BPNT2: variants seen among roughly 807,000 people sequenced by gnomAD.
BPNT2 encodes Golgi-resident adenosine 3',5'-bisphosphate 3'-phosphatase.
BPNT2 carries 11 observed loss-of-function variants against 29.3 expected under a neutral mutation model. That is an observed-to-expected ratio of 0.38 (90% CI 0.24 to 0.62). The LOEUF (loss-of-function observed/expected upper bound fraction) is 0.62, where lower values mean the gene tolerates loss of function less well. Ranked by LOEUF, BPNT2 falls within the 20% of genes least tolerant of loss-of-function variation. The pLI is 0.62. For missense variants in BPNT2, 459 were observed against 473.4 expected (o/e 0.97, Z 0.28); for synonymous variants, 195 against 187.7 (o/e 1.04, Z -0.32).
chr8:56,977,993 A>G (rs1806172705), intron 3 of BPNT2, 57 bp downstream of exon 3: 1 of 1,065,534 alleles, frequency 9.4e-7, no homozygotes, highest in African/African-American at 1.6e-5. Context: ...GACAGTAAAT[A>G]CTATAGACAA....
intron 3 of BPNT2, 32 bp from the exon 4 acceptor site, chr8:56,966,384 ACT>A (rs1805953294): frequency 1.3e-6 from 2 of 1,594,248 alleles, no homozygotes; most frequent in East Asian, 2.2e-5. Context: ...CATTAATGGC[ACT>A]GAAGCTTTAA....
Position 56,970,142 on chromosome 8 carries a change from A to C in BPNT2, c.647-3790T>G, listed in dbSNP as rs140445618. ...ATAAAACTGGATCTCAAATGATGTC[A>C]AAATCTCTCCAGATTACTTGCTAGT... On this transcript the variant is annotated intron_variant, in intron 3 of 4. Coordinates refer to ENST00000262644, the MANE Select transcript of BPNT2 (RefSeq NM_017813.5). Among the ~76,000 whole-genome samples, 560 of 152,330 alleles carry C rather than the reference A, an allele frequency of 3.7e-3. 7 individuals are homozygous for C. The highest frequency in any genetic ancestry group is 0.013 in the African/African-American group (520 of 41,580).
At chr8:56,972,072 C>T (rs1218508728) in intron 3 of BPNT2, among the ~76,000 whole-genome samples, 1 of 150,318 alleles carries the variant, frequency 6.7e-6, no homozygotes, top group African/African-American at 2.5e-5. Context: ...TCCAGCCGAG[C>T]GAGACTCCGT....
intron 1 of BPNT2, 95 bp from the exon 2 acceptor site, chr8:56,980,292 A>T: frequency 1.1e-6 from 1 of 947,014 alleles, no homozygotes. Flanking sequence ...CACCCAAATT[A>T]TAAATAAGTA....
chr8:56,975,568 AAAT>A (rs1806118556), intron 3 of BPNT2, among the ~76,000 whole-genome samples: 1 of 152,188 alleles, frequency 6.6e-6, no homozygotes, highest in African/African-American at 2.4e-5. Flanking sequence ...TGAAAATACA[AAAT>A]AATTGTAAGA....
intron 3 of BPNT2, among the ~76,000 whole-genome samples, chr8:56,972,014 G>A (rs980783886): frequency 4.0e-5 from 6 of 149,174 alleles, no homozygotes. Flanking sequence ...AGAATGGCGT[G>A]AACCTGGGAG....
At chr8:56,975,751 A>T (rs550500054) in intron 3 of BPNT2, among the ~76,000 whole-genome samples, 1 of 152,320 alleles carries the variant, frequency 6.6e-6, no homozygotes, top group South Asian at 2.1e-4. Flanking sequence ...AAATTGTTAA[A>T]CACGATATAA....
chr8:56,961,391 AAAAC>A lies in BPNT2; in HGVS notation c.*2398_*2401del, dbSNP rs1037176104. 1.7e-4 allele frequency: 26 copies of A among 152,184 alleles called. No individual in the cohort carries two copies. The highest frequency in any genetic ancestry group is 4.1e-4 in the South Asian group (2 of 4,836). The allele number at this position is 152,184 out of a possible 1,614,324, so 9.4% of individuals were successfully genotyped here. On this transcript the variant is annotated 3_prime_UTR_variant, in exon 5 of 5. Coordinates refer to ENST00000262644, the MANE Select transcript of BPNT2 (RefSeq NM_017813.5). ...ATTCTGCAACGTATATTGGCTTTTA[AAAAC>A]AAACAATTTTAAAAATGAACTTTTT...
chr8:56,982,245 T>C (rs1806257933), intron 1 of BPNT2, among the ~76,000 whole-genome samples: 1 of 151,494 alleles, frequency 6.6e-6, no homozygotes, highest in South Asian at 2.1e-4. Flanking sequence ...TGCCTCAGCC[T>C]CCGAGTAGCT....
chr8:56,977,930 C>T, intron 3 of BPNT2, 120 bp downstream of exon 3: 4 of 736,766 alleles, frequency 5.4e-6, no homozygotes, highest in Admixed American at 2.0e-5. Flanking sequence ...GTGTTTTTTT[C>T]TTACAGCAGC....
chr8:56,993,241 G>A lies in BPNT2; in HGVS notation c.345C>T (p.Arg115=). 6.2e-7 allele frequency: 1 copy of A among 1,607,326 alleles called. No individual in the cohort carries two copies. Among genetic ancestry groups the A allele is most frequent in the South Asian group, 1.1e-5 (1 of 90,992 alleles). The part of the protein sequence containing the change: ...KMTSGDVLSN[R]KMFYLLKTAF... The stretch of plus-strand genomic sequence containing the variant: ...CGGTCTTGAGCAGGTAGAACATCTT[G>A]CGGTTGGACAGCACGTCGCCGCTGG... Residue 115 remains arginine, a synonymous_variant, in exon 1 of 5, where the codon CGC becomes CGT. Transcript: ENST00000262644.
intron 1 of BPNT2, among the ~76,000 whole-genome samples, chr8:56,981,401 C>A (rs1806240867): frequency 6.6e-6 from 1 of 152,202 alleles, no homozygotes; most frequent in Admixed American, 6.5e-5. Flanking sequence ...CCCATCTCTA[C>A]TAAAAATACA....
rs1805790472 is a variant in BPNT2, at chr8:56,959,407, T to TA, written c.*4385dup. 6.6e-6 allele frequency: 1 copy of TA among 152,212 alleles called. No homozygotes were observed. Among genetic ancestry groups the TA allele is most frequent in the South Asian group, 2.1e-4 (1 of 4,828 alleles). The allele number at this position is 152,212 out of a possible 1,614,324, so 9.4% of individuals were successfully genotyped here. A position where few individuals can be genotyped will look rare whatever the true frequency, so the allele number is the denominator to read the frequency against. ...AAAACCAAAACCTCCTTTTGAAGTA[T>TA]AAAGTTCCATTCTTCTTGCCCTCTC... is the stretch of plus-strand genomic sequence containing the variant. On this transcript the variant is annotated 3_prime_UTR_variant, in exon 5 of 5. Coordinates refer to ENST00000262644, the MANE Select transcript of BPNT2 (RefSeq NM_017813.5).
Position 56,993,346 on chromosome 8 carries a change from C to T in BPNT2, c.240G>A (p.Glu80=). ...CGTTGCTCTCGCGGACGCGCCTCAC[C>T]TCGTCGCCGCCGCGGACTGCGGCCA... ...SVLAAVRGGD[E]VRRVRESNVL... is the part of the protein sequence containing the mutation. Residue 80 remains glutamate (E), a synonymous_variant, in exon 1 of 5, where the codon GAG becomes GAA. Coordinates refer to ENST00000262644, the MANE Select transcript of BPNT2 (RefSeq NM_017813.5). 1 of 1,611,024 alleles carries T rather than the reference C, an allele frequency of 6.2e-7. No individual in the cohort carries two copies. Among genetic ancestry groups the T allele is most frequent in the Middle Eastern group, 1.6e-4 (1 of 6,062 alleles).
intron 1 of BPNT2, among the ~76,000 whole-genome samples, chr8:56,991,204 G>A (rs1018813950): frequency 6.6e-6 from 1 of 152,194 alleles, no homozygotes; most frequent in Non-Finnish European, 1.5e-5. Context: ...CTTTGACACT[G>A]TATAAATGAT....
chr8:56,965,952 T>C (rs1032002802), intron 4 of BPNT2, among the ~76,000 whole-genome samples: 9 of 152,178 alleles, frequency 5.9e-5, no homozygotes, highest in East Asian at 1.9e-4. Flanking sequence ...AATGGGAATA[T>C]GCTTTTGTGT....
intron 1 of BPNT2, among the ~76,000 whole-genome samples, chr8:56,984,683 T>C (rs1252343490): frequency 6.6e-6 from 1 of 152,220 alleles, no homozygotes; most frequent in Non-Finnish European, 1.5e-5. Context: ...ACAAAATCAC[T>C]GCTTTTACAG....
At chr8:56,974,516 C>T (rs1806096968) in intron 3 of BPNT2, among the ~76,000 whole-genome samples, 1 of 152,162 alleles carries the variant, frequency 6.6e-6, no homozygotes, top group South Asian at 2.1e-4. Context: ...CGATACTTAA[C>T]AACTGGTATT....
At position 56,964,040 on chromosome 8, in the gene BPNT2, T is replaced by C. The variant is rs752984748; in HGVS notation, c.833A>G (p.Asp278Gly). The change falls in exon 5 of 5, where the codon GAT (aspartate) becomes GGT (glycine). Residue 278 changes from aspartate (D) to glycine (G), a missense_variant. By Grantham distance (94) the Asp-to-Gly change is moderately conservative (BLOSUM62 -1). Coordinates refer to ENST00000262644, the MANE Select transcript of BPNT2 (RefSeq NM_017813.5). ...TTTTTCTTGACTCTTATCAGGCACA[T>C]CCAAAAGTGCTAAAACTTTATAACC... ...GAGYKVLALLDVPDKSQEKAD... is the reference protein window; with the variant it reads ...GAGYKVLALLGVPDKSQEKAD... 123 of 1,599,640 alleles carry C rather than the reference T, an allele frequency of 7.7e-5. No homozygotes were observed. The highest frequency in any genetic ancestry group is 1.0e-4 in the Non-Finnish European group (120 of 1,170,800).
Sources: gnomAD v4.1 joint callset for allele counts (sites outside exome capture counted in the v4.1 genomes callset) on GRCh38, gnomAD v4.1.1 for gene constraint, MANE v1.5 for transcripts, NCBI Gene and HGNC (gene_info 2026-07-23, HGNC 2026-07-21) for gene names.